ADGRL1: variants seen among roughly 807,000 people sequenced by gnomAD.
The protein encoded by ADGRL1 is CIRL-1.
Under a neutral mutation model 148.9 loss-of-function variants are expected in ADGRL1, and 31 were observed. That is an observed-to-expected ratio of 0.21 (90% confidence interval 0.16 to 0.28). The LOEUF is 0.28. Among genes scored for constraint, ADGRL1 ranks in the 10% least tolerant of loss-of-function variants. ADGRL1 has a pLI of 1.00. For synonymous variants in ADGRL1, 937 were observed against 900.3 expected, an observed-to-expected ratio of 1.04 and a Z score of -0.73; for missense variants, 1,521 against 2,058.8, an observed-to-expected ratio of 0.74 and a Z score of 5.05.
Position 14,159,440 on chromosome 19 carries a change from T to C in ADGRL1, c.1984A>G (p.Arg662Gly). The C allele has an allele frequency of 6.2e-7, 1 of 1,612,998 alleles. No homozygotes were observed. The highest frequency in any genetic ancestry group is 8.5e-7 in the Non-Finnish European group (1 of 1,179,518). Reference sequence around the variant, plus strand: ...GCAGCCAGGAAGCGGGCAGGCTCCCTGACATTGTCGGCCAGCAGGAAGGCG... The same window carrying C: ...GCAGCCAGGAAGCGGGCAGGCTCCCCGACATTGTCGGCCAGCAGGAAGGCG... The part of the protein sequence containing the change: ...EGAFLLADNV[R>G]EPARFLAAKE... The change falls in exon 10 of 23, where the codon AGG becomes GGG. Residue 662 changes from arginine to glycine, a missense_variant. Arg to Gly is a moderately radical substitution (Grantham distance 125). Around this residue, in one of 8 missense-constraint regions of ADGRL1, gnomAD observed 265 missense variants for 431.9 expected, o/e 0.61. Transcript: ENST00000361434. The surrounding 1 kb of genome is among the most constrained non-coding windows in gnomAD (Gnocchi z 6.0).
In ADGRL1 at chr19:14,160,157, G is replaced by C; in HGVS notation, c.1755C>G (p.Ala585=). 1 of 1,595,506 alleles carries C rather than the reference G, an allele frequency of 6.3e-7. No homozygotes were observed. Residue 585 remains alanine, a synonymous_variant, in exon 8 of 23, where the codon GCC becomes GCG. Transcript: ENST00000361434. The surrounding 1 kb of genome is among the most constrained non-coding windows in gnomAD (Gnocchi z 5.9). ...LLDILDAQLQ[A]LRPIERESAG... ...CTGACTCGCGCTCGATGGGCCGCAG[G>C]GCCTGCAGCTGGGCATCCAGGATGT...
chr19:14,167,523 C>T (rs1047819669), intron 4 of ADGRL1, among the ~76,000 whole-genome samples: 1 of 152,046 alleles, frequency 6.6e-6, no homozygotes, highest in East Asian at 1.9e-4. Flanking sequence ...AACCAGGGGC[C>T]CCAGGGGAAG....
chr19:14,179,629 G>A (rs772230147), intron 2 of ADGRL1, among the ~76,000 whole-genome samples: 12 of 151,196 alleles, frequency 7.9e-5, no homozygotes, highest in South Asian at 2.1e-4. Flanking sequence ...GGTCTAGGCC[G>A]GGCTCGGTGG....
chr19:14,204,372 G>C (rs1257879123), intron 1 of ADGRL1, among the ~76,000 whole-genome samples: 2 of 152,002 alleles, frequency 1.3e-5, no homozygotes, highest in Admixed American at 1.3e-4. Context: ...AGAGAATGAG[G>C]GGTGTGGACC....
At chr19:14,174,541 T>A (rs1970689692) in intron 3 of ADGRL1, among the ~76,000 whole-genome samples, 1 of 150,918 alleles carries the variant, frequency 6.6e-6, no homozygotes, top group African/African-American at 2.4e-5. Flanking sequence ...ACACATTTTT[T>A]TTTTTTTTTT....
At chr19:14,194,800 C>T (rs1972155083) in intron 1 of ADGRL1, among the ~76,000 whole-genome samples, 2 of 152,086 alleles carry the variant, frequency 1.3e-5, no homozygotes, top group African/African-American at 4.8e-5. Context: ...TGAGCCCACA[C>T]CTGTGTCCGT....
rs1969241911 is a variant in ADGRL1, at chr19:14,160,458, C to T, written c.1614+135G>A. ...CATCTGTCCCTGCTCCCTTTGTAGG[C>T]CAGGGAGGTGACCCCACAGTCCTGC... On this transcript the variant is annotated intron_variant, in intron 7 of 22. Coordinates refer to ENST00000361434, the MANE Select transcript of ADGRL1 (RefSeq NM_014921.5). This position sits in a 1 kb window ranked among gnomAD's most constrained non-coding sequence, Gnocchi z 5.9. 1 of 911,576 alleles carries T rather than the reference C, an allele frequency of 1.1e-6. No homozygotes were observed. The highest frequency in any genetic ancestry group is 2.6e-5 in the East Asian group (1 of 37,754). 56.5% of individuals were successfully genotyped at this position (911,576 alleles called of 1,614,324 possible). A position where few individuals can be genotyped will look rare whatever the true frequency, so the allele number is the denominator to read the frequency against.
chr19:14,165,752 G>A (rs1440510469), intron 4 of ADGRL1, among the ~76,000 whole-genome samples: 2 of 148,788 alleles, frequency 1.3e-5, no homozygotes, highest in East Asian at 3.9e-4. Context: ...AGCAGCCCAG[G>A]CCTCTCTGAG....
chr19:14,183,134 G>A (rs561575104), intron 2 of ADGRL1, among the ~76,000 whole-genome samples: 4 of 152,000 alleles, frequency 2.6e-5, no homozygotes, highest in Admixed American at 6.6e-5. Context: ...TTAAATAAAC[G>A]TCAGCGGGCA....
chr19:14,190,676 C>T (rs569041781), intron 1 of ADGRL1, among the ~76,000 whole-genome samples: 2 of 152,224 alleles, frequency 1.3e-5, no homozygotes, highest in Non-Finnish European at 2.9e-5. Context: ...TCTACGAGTT[C>T]AATTCTTTTT....
At position 14,161,611 on chromosome 19, in the gene ADGRL1, G is replaced by A. The variant is rs1969389282; in HGVS notation, c.1211C>T (p.Pro404Leu). Residue 404 changes from proline (P) to leucine (L), a missense_variant, in exon 6 of 23, where the codon CCA becomes CTA. This residue lies in a region of ADGRL1 where 270 missense variants were observed against 320.4 expected (regional missense o/e 0.84). Coordinates refer to ENST00000361434, the MANE Select transcript of ADGRL1 (RefSeq NM_014921.5). This position sits in a 1 kb window ranked among gnomAD's most constrained non-coding sequence, Gnocchi z 4.4. ...PDPSAGPATS[P>L]PLSTTTTARP... is the part of the protein sequence containing the mutation. ...GGCTGTGGTGGTCGTGCTGAGGGGT[G>A]GGGAAGTGGCTGGGCCTGGAGAGGG... 1 of 1,420,942 alleles carries A rather than the reference G, an allele frequency of 7.0e-7. No homozygotes were observed. The highest frequency in any genetic ancestry group is 9.2e-7 in the Non-Finnish European group (1 of 1,092,614). The allele number at this position is 1,420,942 out of a possible 1,614,324, so 88.0% of individuals were successfully genotyped here. A position where few individuals can be genotyped will look rare whatever the true frequency, so the allele number is the denominator to read the frequency against.
intron 4 of ADGRL1, among the ~76,000 whole-genome samples, chr19:14,165,640 C>G (rs1466010965): frequency 7.5e-6 from 1 of 132,572 alleles, no homozygotes; most frequent in Non-Finnish European, 1.6e-5. Context: ...CGCATCCAAA[C>G]CAGTGGGCCT....
chr19:14,181,430 G>GA (rs1378874764), intron 2 of ADGRL1, among the ~76,000 whole-genome samples: 4 of 152,122 alleles, frequency 2.6e-5, no homozygotes, highest in Non-Finnish European at 4.4e-5. Context: ...GCTCAAGTTC[G>GA]AACAGTGGCT....
chr19:14,177,523 C>A lies in ADGRL1; in HGVS notation c.284+8G>T, dbSNP rs367829748. The A allele has an allele frequency of 3.7e-6, 6 of 1,612,150 alleles. No homozygotes were observed. The highest frequency in any genetic ancestry group is 5.1e-6 in the Non-Finnish European group (6 of 1,178,272). On this transcript the variant is annotated splice_region_variant and intron_variant, in intron 3 of 22. Coordinates refer to ENST00000361434, the MANE Select transcript of ADGRL1 (RefSeq NM_014921.5). Reference sequence around the variant, plus strand: ...TTCATCCAGGAACTGCCACGAGAGCCCACTCACCTCTGTGACATGATCTTG... The same window carrying A: ...TTCATCCAGGAACTGCCACGAGAGCACACTCACCTCTGTGACATGATCTTG...
rs146343623 is a variant in ADGRL1, at chr19:14,161,544, G to A, written c.1278C>T (p.Thr426=). 9.4e-5 allele frequency: 137 copies of A among 1,455,368 alleles called. No individual in the cohort carries two copies. Among genetic ancestry groups the A allele is most frequent in the Non-Finnish European group, 1.2e-4 (128 of 1,104,730 alleles). 90.2% of individuals were successfully genotyped at this position (1,455,368 alleles called of 1,614,324 possible). The change falls in exon 6 of 23, where the codon ACC becomes ACT. Residue 426 remains threonine (T), a synonymous_variant. Coordinates refer to ENST00000361434, the MANE Select transcript of ADGRL1 (RefSeq NM_014921.5). This position sits in a 1 kb window ranked among gnomAD's most constrained non-coding sequence, Gnocchi z 4.4. ...TGAGGGGTGCCCGGCGGAGCGGGGT[G>A]GTGGCTGCGGGCGAGGCTGTGCTGG... is the stretch of plus-strand genomic sequence containing the variant. ...PLTSTASPAA[T]TPLRRAPLTT...
chr19:14,150,917 C>T lies in ADGRL1; in HGVS notation c.4366G>A (p.Gly1456Arg). The part of the protein sequence containing the change: ...YLAAPGLEGP[G>R]PDGDGQMQLV... The stretch of plus-strand genomic sequence containing the variant: ...TGCATCTGCCCGTCCCCATCGGGCC[C>T]TGGCCCCTCAAGGCCTGGGGCTGCC... Residue 1456 changes from glycine to arginine, a missense_variant, in exon 23 of 23, where the codon GGG becomes AGG. Gly to Arg is a moderately radical substitution (Grantham distance 125). This residue lies in a region of ADGRL1 where 390 missense variants were observed against 375.0 expected (regional missense o/e 1.04). Coordinates refer to ENST00000361434, the MANE Select transcript of ADGRL1 (RefSeq NM_014921.5). The T allele has an allele frequency of 6.2e-7, 1 of 1,612,114 alleles. No individual in the cohort carries two copies. Among genetic ancestry groups the T allele is most frequent in the South Asian group, 1.1e-5 (1 of 90,962 alleles).
rs3810256 is a variant in ADGRL1 at position 14,149,034 on chromosome 19, G to A, written c.*1839C>T. 15,694 of 152,958 alleles carry A rather than the reference G, an allele frequency of 0.1. 969 individuals are homozygous for A. Among genetic ancestry groups the A allele is most frequent in the Admixed American group, 0.18 (2,679 of 15,288 alleles). 9.5% of individuals were successfully genotyped at this position (152,958 alleles called of 1,614,324 possible). A position where few individuals can be genotyped will look rare whatever the true frequency, so the allele number is the denominator to read the frequency against. ...AGAAAAGGAGGGGCAGAGAGATGGG[G>A]AGAGGTCAGAGCAGAGGTGGAGGGG... On this transcript the variant is annotated 3_prime_UTR_variant, in exon 23 of 23. Coordinates refer to ENST00000361434, the MANE Select transcript of ADGRL1 (RefSeq NM_014921.5).
At chr19:14,191,519 C>T (rs971031907) in intron 1 of ADGRL1, 2 of 451,798 alleles carry the variant, frequency 4.4e-6, no homozygotes, top group African/African-American at 4.0e-5. Context: ...GTGCCATAGA[C>T]TGCGCGGCTT....
intron 4 of ADGRL1, chr19:14,170,453 A>G (rs1970368162): frequency 1.7e-5 from 8 of 464,984 alleles, no homozygotes; most frequent in Non-Finnish European, 3.1e-5. Flanking sequence ...AGAGCTGGAG[A>G]AGGTGTCCCC....
Sources: gnomAD v4.1 joint callset for allele counts (sites outside exome capture counted in the v4.1 genomes callset) on GRCh38, gnomAD v4.1.1 for gene constraint, gnomAD v4.1.1 regional missense constraint, Gnocchi (gnomAD v3.1) non-coding constraint, MANE v1.5 for transcripts, NCBI Gene and HGNC (gene_info 2026-07-23, HGNC 2026-07-21) for gene names.